MYH15: variants seen among roughly 807,000 people sequenced by gnomAD.
MYH15 encodes myosin-15.
Under a neutral mutation model 240.5 loss-of-function variants are expected in MYH15, and 227 were observed. The ratio of observed to expected loss-of-function variants is 0.94; its 90% CI spans 0.85 to 1.05. The LOEUF is 1.05. Ranked by LOEUF, MYH15 falls within the 50% of genes least tolerant of loss-of-function variation. The pLI, the probability that MYH15 is intolerant of heterozygous loss-of-function variation, is 0.00. For synonymous variants in MYH15, 785 were observed against 796.7 expected (o/e 0.99, Z 0.25); for missense variants, 2,217 against 2,247.5 (o/e 0.99, Z 0.27).
intron 29 of MYH15, among the ~76,000 whole-genome samples, chr3:108,416,005 T>C (rs903914370): frequency 7.2e-5 from 11 of 152,222 alleles, no homozygotes; most frequent in East Asian, 1.9e-4. Flanking sequence ...TCTCAGAGCC[T>C]TGGTTTTTTC....
chr3:108,505,838 C>CAAA lies in MYH15; in HGVS notation c.89-12_89-10dup, dbSNP rs55971936. On this transcript the variant is annotated splice_polypyrimidine_tract_variant and intron_variant, in intron 1 of 40. Transcript: ENST00000693548. ...CCAGCATTTCTTCTTCCCTGTAGAG[C>CAAA]AAAAAAAAAAAAAAATGGATTATAG... 1.8e-3 allele frequency: 2,353 copies of CAAA among 1,277,816 alleles called. 2 individuals carry two copies. The East Asian group carries it at 0.019, about 10-fold the overall frequency. 79.2% of individuals were successfully genotyped at this position (1,277,816 alleles called of 1,614,324 possible). A position where few individuals can be genotyped will look rare whatever the true frequency, so the allele number is the denominator to read the frequency against.
intron 23 of MYH15, among the ~76,000 whole-genome samples, chr3:108,440,726 C>T (rs943684083): frequency 2.6e-5 from 4 of 151,600 alleles, no homozygotes; most frequent in African/African-American, 9.7e-5. Flanking sequence ...CTTACAGGCC[C>T]GATGAAACCA....
chr3:108,406,025 C>T (rs574370061), intron 32 of MYH15, among the ~76,000 whole-genome samples: 1 of 152,360 alleles, frequency 6.6e-6, no homozygotes, highest in South Asian at 2.1e-4. Context: ...GGTACCACTA[C>T]TGCAAATGAA....
chr3:108,510,734 A>G (rs115206841), upstream of MYH15: 346 of 785,162 alleles, frequency 4.4e-4, 1 homozygote, highest in African/African-American at 5.6e-3. Context: ...CTATGTCTCA[A>G]ATTTATACAA....
rs761316899 is a variant in MYH15 at position 108,444,838 on chromosome 3, C to T, written c.2457G>A (p.Trp819Ter). The change falls in exon 22 of 41, where the codon TGG becomes TGA. Residue 819 changes from tryptophan to a stop codon, truncating the protein, a stop_gained. Coordinates refer to ENST00000693548, the MANE Select transcript of MYH15 (RefSeq NM_014981.3). LOFTEE classifies it high-confidence loss of function. The stretch of plus-strand genomic sequence containing the variant: ...TCTTGAAGAAGAGCCTCATCCAGGG[C>T]CAGTTCTTCACAGCCATGAAAGCTC... ...NIRAFMAVKN[W>*]PWMRLFFKIK... The T allele has an allele frequency of 6.2e-7, 1 of 1,613,942 alleles. No homozygotes were observed. The highest frequency in any genetic ancestry group is 8.5e-7 in the Non-Finnish European group (1 of 1,179,854).
chr3:108,516,094 A>C (rs2083570450), intron 1 of MYH15, among the ~76,000 whole-genome samples: 1 of 152,192 alleles, frequency 6.6e-6, no homozygotes, highest in Non-Finnish European at 1.5e-5. Context: ...TATAAGCAGA[A>C]ACTCAAATGA....
At chr3:108,505,981 C>A (rs767388114) in intron 1 of MYH15, 152 bp from the exon 2 acceptor site, 25 of 525,728 alleles carry the variant, frequency 4.8e-5, no homozygotes, top group Admixed American at 3.4e-4. Context: ...ATCATGAAAG[C>A]TCATTCTGAA....
At chr3:108,484,824 A>C (rs1475311505) in intron 11 of MYH15, among the ~76,000 whole-genome samples, 1 of 152,162 alleles carries the variant, frequency 6.6e-6, no homozygotes, top group African/African-American at 2.4e-5. Flanking sequence ...TCTATGTGCT[A>C]AAGGCATACT....
chr3:108,409,892 T>A (rs536542006), intron 31 of MYH15, among the ~76,000 whole-genome samples: 1 of 152,356 alleles, frequency 6.6e-6, no homozygotes, highest in Admixed American at 6.5e-5. Context: ...AGTTAAATGA[T>A]AGCCATCTTT....
At chr3:108,434,649 T>C (rs1199264994) in intron 25 of MYH15, among the ~76,000 whole-genome samples, 1 of 152,184 alleles carries the variant, frequency 6.6e-6, no homozygotes, top group African/African-American at 2.4e-5. Context: ...ATTTAGACAT[T>C]CCTTAGTTTG....
At chr3:108,425,394 G>T (rs2082718028) in intron 27 of MYH15, among the ~76,000 whole-genome samples, 1 of 152,032 alleles carries the variant, frequency 6.6e-6, no homozygotes, top group African/African-American at 2.4e-5. Flanking sequence ...TATTAATTTG[G>T]GCATATAAAT....
upstream of MYH15, among the ~76,000 whole-genome samples, chr3:108,530,697 G>GT (rs2107280421): frequency 6.6e-6 from 1 of 152,224 alleles, no homozygotes; most frequent in East Asian, 1.9e-4. Context: ...GAAAATCTCT[G>GT]TATTTTCCTC....
intron 30 of MYH15, among the ~76,000 whole-genome samples, chr3:108,413,820 T>C (rs1268737283): frequency 6.6e-6 from 1 of 152,154 alleles, no homozygotes; most frequent in East Asian, 1.9e-4. Flanking sequence ...AGTCTACAAG[T>C]TGTAGACCAG....
Position 108,457,212 on chromosome 3 carries a change from G to A in MYH15, c.2021-329C>T, listed in dbSNP as rs1184836150. On this transcript the variant is annotated intron_variant, in intron 18 of 40. Coordinates refer to ENST00000693548, the MANE Select transcript of MYH15 (RefSeq NM_014981.3). ...GCTAGAATGTAAATGGCTGCTCTAC[G>A]TTCATTTGCCAACCAAAACCAGCCA... Among the ~76,000 whole-genome samples, 7 of 152,234 alleles carry A rather than the reference G, an allele frequency of 4.6e-5. No individual in the cohort carries two copies. The East Asian group carries it at 5.8e-4, about 13-fold the overall frequency.
chr3:108,480,137 G>A (rs2083255317), intron 11 of MYH15, among the ~76,000 whole-genome samples: 3 of 152,288 alleles, frequency 2.0e-5, no homozygotes, highest in Middle Eastern at 6.8e-3. Context: ...CACACAAATC[G>A]AGTATCACAA....
chr3:108,537,490 G>A, the MYH15 span, among the ~76,000 whole-genome samples: 1 of 152,190 alleles, frequency 6.6e-6, no homozygotes, highest in East Asian at 1.9e-4. Context: ...CTCACAAATG[G>A]GATACATGAA....
intron 32 of MYH15, among the ~76,000 whole-genome samples, chr3:108,406,026 T>C (rs894155589): frequency 6.6e-6 from 1 of 152,246 alleles, no homozygotes; most frequent in African/African-American, 2.4e-5. Flanking sequence ...GTACCACTAC[T>C]GCAAATGAAT....
At chr3:108,419,636 C>T (rs962739529) in intron 28 of MYH15, among the ~76,000 whole-genome samples, 2 of 152,342 alleles carry the variant, frequency 1.3e-5, no homozygotes, top group Non-Finnish European at 2.9e-5. Context: ...AGGTGTCACA[C>T]ACCCTGTGGG....
At chr3:108,485,390 C>G (rs973673069) in intron 10 of MYH15, among the ~76,000 whole-genome samples, 161 bp from the exon 11 acceptor site, 3 of 152,188 alleles carry the variant, frequency 2.0e-5, no homozygotes, top group Non-Finnish European at 4.4e-5. Flanking sequence ...CTTGGTCACC[C>G]GCAGTCTGCT....
Sources: gnomAD v4.1 joint callset for allele counts (sites outside exome capture counted in the v4.1 genomes callset) on GRCh38, gnomAD v4.1.1 for gene constraint, MANE v1.5 for transcripts, NCBI Gene and HGNC (gene_info 2026-07-23, HGNC 2026-07-21) for gene names.